Variants in KLHL42 observed in about 807,000 individuals in gnomAD.
KLHL42 encodes kelch-like protein 42.
KLHL42 carries 27 observed loss-of-function variants against 32.7 expected under a neutral mutation model. The observed-to-expected ratio is 0.83, with a 90% CI of 0.61 to 1.14. The LOEUF (loss-of-function observed/expected upper bound fraction) is 1.14, where lower values mean the gene tolerates loss of function less well. Ranked by LOEUF, KLHL42 falls within the 50% of genes most tolerant of loss-of-function variation. KLHL42 has a pLI of 0.00. For synonymous variants in KLHL42, 267 were observed against 248.2 expected (o/e 1.08, Z -0.71); for missense variants, 491 against 560.8 (o/e 0.88, Z 1.26).
rs781512223 is a variant in KLHL42 at position 27,797,907 on chromosome 12, C to T, written c.1259C>T (p.Ser420Phe). The T allele has an allele frequency of 1.3e-6, 1 of 780,830 alleles. No individual in the cohort carries two copies. Among genetic ancestry groups the T allele is most frequent in the African/African-American group, 1.7e-5 (1 of 59,086 alleles). The allele number at this position is 780,830 out of a possible 1,614,324, so 48.4% of individuals were successfully genotyped here. A position where few individuals can be genotyped will look rare whatever the true frequency, so the allele number is the denominator to read the frequency against. ...AGCGAGGACATGCTCACCGTGCAGTCCTACAACACCGTCACCCGCCAGTGG... is the reference window on the plus strand; with the variant it reads ...AGCGAGGACATGCTCACCGTGCAGTTCTACAACACCGTCACCCGCCAGTGG... The part of the protein sequence containing the change: ...SQSEDMLTVQ[S>F]YNTVTRQWLY... The change falls in exon 3 of 3, where the codon TCC becomes TTC. Residue 420 changes from serine (S) to phenylalanine (F), a missense_variant. Coordinates refer to ENST00000381271, the MANE Select transcript of KLHL42 (RefSeq NM_020782.2).
rs568935960 is a variant in KLHL42 at position 27,802,015 on chromosome 12, G to A, written c.*3849G>A. On this transcript the variant is annotated 3_prime_UTR_variant, in exon 3 of 3. Coordinates refer to ENST00000381271, the MANE Select transcript of KLHL42 (RefSeq NM_020782.2). The stretch of plus-strand genomic sequence containing the variant: ...CTGGCACATTGGGGCTCGGTGGTCT[G>A]GTGGTCCCTTCGGTCTTGGCCCTGT... The A allele has an allele frequency of 4.6e-5, 7 of 152,126 alleles. No homozygotes were observed. The highest frequency in any genetic ancestry group is 6.5e-5 in the Admixed American group (1 of 15,274). The allele number at this position is 152,126 out of a possible 1,614,324, so 9.4% of individuals were successfully genotyped here.
chr12:27,781,136 C>T lies in KLHL42; in HGVS notation c.806C>T (p.Ser269Phe). ...GGYRITSQEI[S>F]AAHSYNPSTN... ...TACAGGATCACTAGCCAGGAGATCT[C>T]CGCTGCGCATTCCTACAACCCCAGC... The change falls in exon 1 of 3, where the codon TCC (serine) becomes TTC (phenylalanine). Residue 269 changes from serine (S) to phenylalanine (F), a missense_variant. Physicochemically the swap from Ser to Phe is radical, Grantham distance 155. Around this residue, in one of 4 missense-constraint regions of KLHL42, gnomAD observed 248 missense variants for 329.2 expected, o/e 0.75. Coordinates refer to ENST00000381271, the MANE Select transcript of KLHL42 (RefSeq NM_020782.2). 1.9e-6 allele frequency: 3 copies of T among 1,614,090 alleles called. No homozygotes were observed. The highest frequency in any genetic ancestry group is 2.5e-6 in the Non-Finnish European group (3 of 1,180,032).
In KLHL42 at chr12:27,780,580, G is replaced by A. The variant is rs754182199; in HGVS notation, c.250G>A (p.Gly84Arg). 6.5e-7 allele frequency: 1 copy of A among 1,538,838 alleles called. No homozygotes were observed. Among genetic ancestry groups the A allele is most frequent in the Admixed American group, 2.0e-5 (1 of 48,900 alleles). ...CGAAGGCTGGCTCCTGGGCCCGCGC[G>A]GGGAAAAGGGCGGCGGGGTGGACGA... ...AREGWLLGPR[G>R]EKGGGVDEDE... is the part of the protein sequence containing the mutation. Residue 84 changes from glycine to arginine, a missense_variant, in exon 1 of 3, where the codon GGG becomes AGG. Physicochemically the swap from Gly to Arg is moderately radical, Grantham distance 125 (BLOSUM62 -2). Around this residue, in one of 4 missense-constraint regions of KLHL42, gnomAD observed 248 missense variants for 329.2 expected, o/e 0.75. Coordinates refer to ENST00000381271, the MANE Select transcript of KLHL42 (RefSeq NM_020782.2). The surrounding 1 kb of genome is among the most constrained non-coding windows in gnomAD (Gnocchi z 8.8).
In KLHL42 at chr12:27,791,914, A is replaced by G. The variant is rs138385080; in HGVS notation, c.1066+13A>G. On this transcript the variant is annotated intron_variant, in intron 2 of 2. Coordinates refer to ENST00000381271, the MANE Select transcript of KLHL42 (RefSeq NM_020782.2). ...TACACTACCAGAGGTAAGTGAAGGG[A>G]CCAGGTAGGTGGTCTGCCCATGTGT... 1.3e-3 allele frequency: 2,162 copies of G among 1,612,886 alleles called. 45 individuals carry two copies. In the Admixed American group the frequency reaches 0.033, roughly 25 times the overall value.
At chr12:27,792,020 T>C (rs2062199563) in intron 2 of KLHL42, 119 bp downstream of exon 2, 1 of 767,022 alleles carries the variant, frequency 1.3e-6, no homozygotes, top group Non-Finnish European at 2.2e-6. Context: ...GCTTTAATAG[T>C]GTACACTTAC....
chr12:27,790,775 T>G (rs1267382736), intron 1 of KLHL42, among the ~76,000 whole-genome samples: 1 of 152,210 alleles, frequency 6.6e-6, no homozygotes, highest in African/African-American at 2.4e-5. Flanking sequence ...CTGGTTGTGG[T>G]GTCTTATAAC....
rs576359067 is a variant in KLHL42 at position 27,799,966 on chromosome 12, A to T, written c.*1800A>T. On this transcript the variant is annotated 3_prime_UTR_variant, in exon 3 of 3. Transcript: ENST00000381271. ...AAAATCTTCCCAGGAATAGTACTTA[A>T]TAGATTTTAATGTTAATTTATATTC... The T allele has an allele frequency of 6.7e-6, 6 of 891,170 alleles. No individual in the cohort carries two copies. Among genetic ancestry groups the T allele is most frequent in the African/African-American group, 1.8e-5 (1 of 55,168 alleles). The allele number at this position is 891,170 out of a possible 1,614,324, so 55.2% of individuals were successfully genotyped here.
chr12:27,802,966 A>G lies in KLHL42; in HGVS notation c.*4800A>G, dbSNP rs1324827728. ...TTGAATACAAGAATGCCTATGAAAT[A>G]CCCACTATAACAGCATTCCTTTTGT... On this transcript the variant is annotated 3_prime_UTR_variant, in exon 3 of 3. Transcript: ENST00000381271. 2.0e-5 allele frequency: 3 copies of G among 152,248 alleles called. No homozygotes were observed. Among genetic ancestry groups the G allele is most frequent in the Non-Finnish European group, 4.4e-5 (3 of 68,040 alleles). 9.4% of individuals were successfully genotyped at this position (152,248 alleles called of 1,614,324 possible).
chr12:27,800,339 T>TGG lies in KLHL42; in HGVS notation c.*2174_*2175insGG. The stretch of plus-strand genomic sequence containing the variant: ...TTTATAAACCAGGTTTGAGGTTGTG[T>TGG]GTGTGTGTGGGGGTGTGTGTGTGTG... On this transcript the variant is annotated 3_prime_UTR_variant, in exon 3 of 3. Coordinates refer to ENST00000381271, the MANE Select transcript of KLHL42 (RefSeq NM_020782.2). 3.4e-6 allele frequency: 3 copies of TGG among 878,882 alleles called. No homozygotes were observed. The highest frequency in any genetic ancestry group is 5.5e-5 in the South Asian group (1 of 18,070). 54.4% of individuals were successfully genotyped at this position (878,882 alleles called of 1,614,324 possible). A position where few individuals can be genotyped will look rare whatever the true frequency, so the allele number is the denominator to read the frequency against.
rs80336232 is a variant in KLHL42, at chr12:27,799,390, A to T, written c.*1224A>T. 152 of 152,318 alleles carry T rather than the reference A, an allele frequency of 1.0e-3. No homozygotes were observed. Among genetic ancestry groups the T allele is most frequent in the African/African-American group, 3.4e-3 (143 of 41,558 alleles). The allele number at this position is 152,318 out of a possible 1,614,324, so 9.4% of individuals were successfully genotyped here. On this transcript the variant is annotated 3_prime_UTR_variant, in exon 3 of 3. Coordinates refer to ENST00000381271, the MANE Select transcript of KLHL42 (RefSeq NM_020782.2). Reference sequence around the variant, plus strand: ...ATTCCTCAAAAATACATACACTCATACTTATGGAAATTTTATTTTGATTGA... The same window carrying T: ...ATTCCTCAAAAATACATACACTCATTCTTATGGAAATTTTATTTTGATTGA...
chr12:27,795,637 A>AAAAGT (rs66822744), intron 2 of KLHL42, among the ~76,000 whole-genome samples: 1 of 3,260 alleles, frequency 3.1e-4, no homozygotes, highest in Non-Finnish European at 2.0e-3. Flanking sequence ...AAAAAAAGAA[A>AAAAGT]AAGTTAGTTT....
At chr12:27,797,094 T>C (rs1319554310) in intron 2 of KLHL42, among the ~76,000 whole-genome samples, 2 of 150,900 alleles carry the variant, frequency 1.3e-5, no homozygotes, top group East Asian at 3.9e-4. Flanking sequence ...ATGGGGAAAC[T>C]AAGGCTAGGC....
At chr12:27,796,527 A>G (rs2062219297) in intron 2 of KLHL42, among the ~76,000 whole-genome samples, 1 of 158 alleles carries the variant, frequency 6.3e-3, no homozygotes, top group African/African-American at 0.028. Context: ...TTCCTAGAGG[A>G]GAAAAGAAAA....
chr12:27,782,176 C>T (rs1024823325), intron 1 of KLHL42, among the ~76,000 whole-genome samples: 2 of 152,118 alleles, frequency 1.3e-5, no homozygotes, highest in Non-Finnish European at 2.9e-5. Context: ...TTGGGGAGCT[C>T]ACAGCTGGGC....
rs559230530 is a variant in KLHL42, at chr12:27,780,465, G to A, written c.135G>A (p.Glu45=). Residue 45 remains glutamate (E), a synonymous_variant, in exon 1 of 3, where the codon GAG becomes GAA. Transcript: ENST00000381271. This position sits in a 1 kb window ranked among gnomAD's most constrained non-coding sequence, Gnocchi z 8.8. ...GCATGCGCGAGGCCCTGAGCCAGGA[G>A]GCCGGCGGCCCGGAGGTGCAGCAGC... The part of the protein sequence containing the change: ...RSGMREALSQ[E]AGGPEVQQLR... The A allele has an allele frequency of 5.8e-6, 9 of 1,544,894 alleles. No homozygotes were observed. In the East Asian group the frequency reaches 2.0e-4, roughly 34 times the overall value.
intron 2 of KLHL42, chr12:27,797,206 T>A (rs549072006): frequency 3.9e-5 from 18 of 456,058 alleles, no homozygotes; most frequent in South Asian, 2.8e-4. Context: ...GAGACTTTGC[T>A]GCCTTTCTCC....
rs768601735 is a variant in KLHL42, at chr12:27,780,518, G to A, written c.188G>A (p.Arg63Gln). 85 of 1,541,314 alleles carry A rather than the reference G, an allele frequency of 5.5e-5. No individual in the cohort carries two copies. Among genetic ancestry groups the A allele is most frequent in the Non-Finnish European group, 6.1e-5 (70 of 1,147,294 alleles). Residue 63 changes from arginine (R) to glutamine (Q), a missense_variant, in exon 1 of 3, where the codon CGG becomes CAG. Arg to Gln is a conservative substitution (Grantham distance 43). This residue lies in a region of KLHL42 where 3 missense variants were observed against 16.6 expected (regional missense o/e 0.18). Coordinates refer to ENST00000381271, the MANE Select transcript of KLHL42 (RefSeq NM_020782.2). The surrounding 1 kb of genome is among the most constrained non-coding windows in gnomAD (Gnocchi z 8.8). ...QLRGLSAPGL[R>Q]LVLDFINAGG... Reference sequence around the variant, plus strand: ...CGCGGCCTCAGCGCGCCGGGCCTGCGGCTGGTGCTGGACTTCATCAACGCC... The same window carrying A: ...CGCGGCCTCAGCGCGCCGGGCCTGCAGCTGGTGCTGGACTTCATCAACGCC...
In KLHL42 at chr12:27,780,948, C is replaced by T. The variant is rs745508584; in HGVS notation, c.618C>T (p.Pro206=). The change falls in exon 1 of 3, where the codon CCC becomes CCT. Residue 206 remains proline (P), a synonymous_variant. Transcript: ENST00000381271. The surrounding 1 kb of genome is among the most constrained non-coding windows in gnomAD (Gnocchi z 8.8). ...CCCTCGGGGACTTCCTGGGGGGACC[C>T]CTGGCCCCTCACCCCTACCAGGGGG... is the stretch of plus-strand genomic sequence containing the variant. ...LVALGDFLGG[P]LAPHPYQGEP... 5.0e-6 allele frequency: 8 copies of T among 1,602,228 alleles called. No homozygotes were observed. The East Asian group carries it at 1.8e-4, about 36-fold the overall frequency.
At chr12:27,786,619 T>G (rs1279788638) in intron 1 of KLHL42, among the ~76,000 whole-genome samples, 2 of 152,170 alleles carry the variant, frequency 1.3e-5, no homozygotes, top group East Asian at 3.8e-4. Context: ...AGTATTTTAC[T>G]TTGATAAAGG....
Sources: gnomAD v4.1 joint callset for allele counts (sites outside exome capture counted in the v4.1 genomes callset) on GRCh38, gnomAD v4.1.1 for gene constraint, gnomAD v4.1.1 regional missense constraint, Gnocchi (gnomAD v3.1) non-coding constraint, MANE v1.5 for transcripts, NCBI Gene and HGNC (gene_info 2026-07-23, HGNC 2026-07-21) for gene names.